GFI1B: variants seen among roughly 807,000 people sequenced by gnomAD.
GFI1B encodes the protein zinc finger protein Gfi-1b.
Under a neutral mutation model 35.3 loss-of-function variants are expected in GFI1B, and 20 were observed. The observed-to-expected ratio is 0.57, with a 90% CI of 0.40 to 0.82. The LOEUF is 0.82. Among genes scored for constraint, GFI1B ranks in the 40% least tolerant of loss-of-function variants. The pLI is 0.00. For missense variants in GFI1B, 430 were observed against 446.3 expected (o/e 0.96, Z 0.33); for synonymous variants, 178 against 177.6 (o/e 1.00, Z -0.02).
intron 1 of GFI1B, among the ~76,000 whole-genome samples, chr9:132,981,548 G>A (rs1848820263): frequency 6.6e-6 from 1 of 152,070 alleles, no homozygotes; most frequent in African/African-American, 2.4e-5. Flanking sequence ...TAAGATGGGA[G>A]GATCGCTTGG....
At position 132,988,462 on chromosome 9, in the gene GFI1B, C is replaced by T. The variant is rs2132645650; in HGVS notation, c.504C>T (p.Cys168=). The T allele has an allele frequency of 6.2e-7, 1 of 1,613,514 alleles. No homozygotes were observed. The highest frequency in any genetic ancestry group is 2.2e-5 in the East Asian group (1 of 44,882). The change falls in exon 4 of 7, where the codon TGC becomes TGT. Residue 168 remains cysteine, a synonymous_variant. Coordinates refer to ENST00000372122, the MANE Select transcript of GFI1B (RefSeq NM_001377304.1). ...TGGATGCGTACCACTGTGTGAAGTG[C>T]AACAAGGTGGGCAGCGGGGGGTGTG... ...PGMDAYHCVK[C]NKVFSTPHGL...
upstream of GFI1B, chr9:132,975,077 G>A (rs908233796): frequency 2.0e-5 from 3 of 152,338 alleles, no homozygotes; most frequent in South Asian, 6.2e-4. Flanking sequence ...CTGGGCTACA[G>A]AGCAAGACCC....
chr9:132,984,365 G>A (rs1034018852), intron 1 of GFI1B, among the ~76,000 whole-genome samples: 1 of 152,150 alleles, frequency 6.6e-6, no homozygotes, highest in Non-Finnish European at 1.5e-5. Flanking sequence ...GGAGGAAGAC[G>A]TGTCCCTGGG....
At chr9:132,962,138 T>TG (rs1848376640) in intron 1 of GFI1B, among the ~76,000 whole-genome samples, 1 of 40,114 alleles carries the variant, frequency 2.5e-5, no homozygotes, top group South Asian at 5.3e-4. Context: ...TTTTTTTTTC[T>TG]TTTTTTTTTT....
chr9:132,977,971 C>A (rs1315189673), upstream of GFI1B, among the ~76,000 whole-genome samples: 2 of 152,104 alleles, frequency 1.3e-5, no homozygotes, highest in Non-Finnish European at 2.9e-5. Flanking sequence ...GGGGGAAATG[C>A]AAATTTGATG....
intron 1 of GFI1B, chr9:132,945,811 C>T (rs1170757906): frequency 6.5e-6 from 1 of 153,550 alleles, no homozygotes; most frequent in Admixed American, 6.6e-5. Flanking sequence ...AAGGCCATTC[C>T]AGGCAGAGGG....
intron 1 of GFI1B, among the ~76,000 whole-genome samples, chr9:132,955,593 C>T (rs945072479): frequency 2.0e-5 from 3 of 152,184 alleles, no homozygotes; most frequent in African/African-American, 7.2e-5. Context: ...TGCCCAGCCT[C>T]TTTCAGCTTT....
chr9:132,985,054 G>A (rs1205935991), intron 1 of GFI1B, among the ~76,000 whole-genome samples: 1 of 152,056 alleles, frequency 6.6e-6, no homozygotes, highest in South Asian at 2.1e-4. Flanking sequence ...GCCTTGCATG[G>A]CGGCTGGCCC....
At chr9:132,982,709 A>AG (rs1848871601) in intron 1 of GFI1B, among the ~76,000 whole-genome samples, 1 of 152,070 alleles carries the variant, frequency 6.6e-6, no homozygotes, top group African/African-American at 2.4e-5. Flanking sequence ...CTTTAAAAAA[A>AG]AAACAACTCT....
intron 1 of GFI1B, among the ~76,000 whole-genome samples, chr9:132,979,274 T>TTTTTTG (rs1848732755): frequency 9.4e-6 from 1 of 106,140 alleles, no homozygotes. Flanking sequence ...TTTTTTTTTT[T>TTTTTTG]GAGACAGAGT....
At chr9:132,978,515 C>G (rs1373311571), upstream of GFI1B, 2 of 152,188 alleles carry the variant, frequency 1.3e-5, no homozygotes, top group Non-Finnish European at 2.9e-5. Context: ...AGAGAGAAAG[C>G]GTGCCGCTCC....
chr9:132,969,650 G>T (rs1409119381), intron 1 of GFI1B, among the ~76,000 whole-genome samples: 2 of 152,196 alleles, frequency 1.3e-5, no homozygotes, highest in African/African-American at 4.8e-5. Context: ...CTATACCCGT[G>T]CGTGGGATTG....
intron 1 of GFI1B, among the ~76,000 whole-genome samples, chr9:132,950,477 C>G (rs576285687): frequency 6.6e-6 from 1 of 151,380 alleles, no homozygotes; most frequent in African/African-American, 2.4e-5. Flanking sequence ...ATAAGAGGGC[C>G]CTTGAAACCT....
chr9:132,957,181 A>T (rs1327467187), intron 1 of GFI1B, among the ~76,000 whole-genome samples: 2 of 152,220 alleles, frequency 1.3e-5, no homozygotes, highest in African/African-American at 4.8e-5. Flanking sequence ...TTCAGGATTC[A>T]GGCATCTTTG....
intron 1 of GFI1B, among the ~76,000 whole-genome samples, chr9:132,981,378 T>C (rs552882201): frequency 6.6e-6 from 1 of 152,346 alleles, no homozygotes; most frequent in African/African-American, 2.4e-5. Context: ...TTGCATTCTC[T>C]GAGCTTTGGA....
intron 1 of GFI1B, among the ~76,000 whole-genome samples, chr9:132,954,614 G>A (rs1214303349): frequency 6.6e-6 from 1 of 151,588 alleles, no homozygotes; most frequent in Non-Finnish European, 1.5e-5. Flanking sequence ...AAGAAACAGG[G>A]TTTTGCTATG....
At position 132,988,544 on chromosome 9, in the gene GFI1B, C is replaced by T. The variant is rs564029846; in HGVS notation, c.510+76C>T. On this transcript the variant is annotated intron_variant, in intron 4 of 6. Transcript: ENST00000372122. The stretch of plus-strand genomic sequence containing the variant: ...CTCTCAACTCACTGGCAGCTCTGGG[C>T]GTTCTCTGTGCTGTGAATGTTGGGG... 1.7e-5 allele frequency: 23 copies of T among 1,344,164 alleles called. No individual in the cohort carries two copies. In the African/African-American group the frequency reaches 1.9e-4, roughly 11 times the overall value. The allele number at this position is 1,344,164 out of a possible 1,614,324, so 83.3% of individuals were successfully genotyped here.
At chr9:132,971,104 A>G (rs536916505) in intron 1 of GFI1B, among the ~76,000 whole-genome samples, 5 of 152,262 alleles carry the variant, frequency 3.3e-5, no homozygotes, top group African/African-American at 1.2e-4. Flanking sequence ...GGCTCAAGCA[A>G]TCCTCCCACG....
exon 1 of GFI1B, chr9:132,945,560 G>C (rs1373113302): frequency 6.5e-6 from 1 of 154,080 alleles, no homozygotes; most frequent in Non-Finnish European, 1.5e-5. Context: ...TTGCGAGGCT[G>C]AGTATGATGG....
Sources: gnomAD v4.1 joint callset for allele counts (sites outside exome capture counted in the v4.1 genomes callset) on GRCh38, gnomAD v4.1.1 for gene constraint, MANE v1.5 for transcripts, NCBI Gene and HGNC (gene_info 2026-07-23, HGNC 2026-07-21) for gene names.